FARS2: variants seen among roughly 807,000 people sequenced by gnomAD.
The protein encoded by FARS2 is phenylalanine--tRNA ligase, mitochondrial.
FARS2 carries 40 observed loss-of-function variants against 46.4 expected under a neutral mutation model. The observed-to-expected ratio is 0.86, with a 90% CI of 0.67 to 1.12. The LOEUF is 1.12. FARS2 is among the 50% of genes most tolerant of loss of function. FARS2 has a pLI of 0.00. For missense variants in FARS2, 513 were observed against 567.9 expected (o/e 0.90, Z 0.98); for synonymous variants, 234 against 214.9 (o/e 1.09, Z -0.78).
chr6:5,268,648 G>A (rs995309829), intron 1 of FARS2, among the ~76,000 whole-genome samples: 4 of 152,162 alleles, frequency 2.6e-5, no homozygotes, highest in Non-Finnish European at 5.9e-5. Context: ...GATGCCTCTA[G>A]CTTTGTTCTT....
chr6:5,280,958 A>G (rs1354904434), intron 1 of FARS2, among the ~76,000 whole-genome samples: 1 of 151,870 alleles, frequency 6.6e-6, no homozygotes, highest in Non-Finnish European at 1.5e-5. Flanking sequence ...TTAATTTTTG[A>G]TTTATATTAT....
chr6:5,404,531 T>C lies in FARS2; in HGVS notation c.613-11T>C, dbSNP rs1562015282. The C allele has an allele frequency of 6.4e-6, 10 of 1,555,418 alleles. No individual in the cohort carries two copies. The highest frequency in any genetic ancestry group is 8.7e-6 in the Non-Finnish European group (10 of 1,147,972). ...TATTTTCTTTATTTATACTTTCCTG[T>C]TGGTTTACAGTTATTTGCTGGTATA... On this transcript the variant is annotated splice_polypyrimidine_tract_variant and intron_variant, in intron 2 of 6. Coordinates refer to ENST00000274680, the MANE Select transcript of FARS2 (RefSeq NM_006567.5).
chr6:5,640,560 C>T (rs752520459), intron 6 of FARS2, among the ~76,000 whole-genome samples: 11 of 152,182 alleles, frequency 7.2e-5, no homozygotes. Flanking sequence ...CGTGAGCTAC[C>T]TCTAAATTAT....
At chr6:5,739,420 G>A (rs541966824) in intron 6 of FARS2, among the ~76,000 whole-genome samples, 1 of 152,086 alleles carries the variant, frequency 6.6e-6, no homozygotes, top group Admixed American at 6.5e-5. Context: ...TGGAACACCT[G>A]CCTGTTGTTT....
chr6:5,540,724 G>A (rs1484792559), intron 4 of FARS2, among the ~76,000 whole-genome samples: 1 of 152,160 alleles, frequency 6.6e-6, no homozygotes, highest in African/African-American at 2.4e-5. Flanking sequence ...ACTTGTAAAT[G>A]TGATAGTTGC....
intron 5 of FARS2, among the ~76,000 whole-genome samples, chr6:5,612,050 A>G (rs1775217402): frequency 6.6e-6 from 1 of 152,236 alleles, no homozygotes. Flanking sequence ...TTCAGGAGAG[A>G]AAACAAAACG....
intron 6 of FARS2, among the ~76,000 whole-genome samples, chr6:5,626,198 A>G (rs373637282): frequency 2.0e-5 from 3 of 152,264 alleles, no homozygotes; most frequent in South Asian, 4.1e-4. Flanking sequence ...ACCTCAAGGA[A>G]AAGGCACTCA....
At chr6:5,666,258 G>A (rs1045058448) in intron 6 of FARS2, among the ~76,000 whole-genome samples, 6 of 152,158 alleles carry the variant, frequency 3.9e-5, no homozygotes, top group Non-Finnish European at 8.8e-5. Context: ...AGAAACATAA[G>A]TAAGAGTCAA....
chr6:5,286,609 A>G (rs542855287), intron 1 of FARS2, among the ~76,000 whole-genome samples: 4 of 152,252 alleles, frequency 2.6e-5, no homozygotes, highest in African/African-American at 7.2e-5. Context: ...CCCATGCTCT[A>G]TCACTCTGTA....
intron 6 of FARS2, among the ~76,000 whole-genome samples, chr6:5,633,684 A>G (rs1305867302): frequency 6.6e-6 from 1 of 152,204 alleles, no homozygotes; most frequent in Non-Finnish European, 1.5e-5. Context: ...TACTATTTTA[A>G]TATTTTAACC....
intron 6 of FARS2, among the ~76,000 whole-genome samples, chr6:5,724,624 G>A (rs904159282): frequency 5.9e-5 from 9 of 152,188 alleles, no homozygotes; most frequent in African/African-American, 9.7e-5. Flanking sequence ...GGTGCTCTAC[G>A]GGGGCCAGCC....
chr6:5,265,676 G>A (rs767789882), intron 1 of FARS2, among the ~76,000 whole-genome samples: 4 of 152,144 alleles, frequency 2.6e-5, no homozygotes, highest in African/African-American at 4.8e-5. Context: ...CACTGATCCT[G>A]TTTTCCAGAA....
chr6:5,319,331 A>G (rs752371313), intron 1 of FARS2, among the ~76,000 whole-genome samples: 1 of 152,156 alleles, frequency 6.6e-6, no homozygotes, highest in Non-Finnish European at 1.5e-5. Context: ...GATGGAGTTT[A>G]ACTGGTATAT....
At chr6:5,252,882 C>A in the FARS2 span, among the ~76,000 whole-genome samples, 2 of 152,116 alleles carry the variant, frequency 1.3e-5, no homozygotes, top group African/African-American at 4.8e-5. Context: ...TAAATAAGCT[C>A]TGGCAGCTAC....
At chr6:5,732,344 C>T (rs1036103867) in intron 6 of FARS2, among the ~76,000 whole-genome samples, 2 of 151,988 alleles carry the variant, frequency 1.3e-5, no homozygotes, top group African/African-American at 2.4e-5. Flanking sequence ...TGTTCAGCCT[C>T]CTAGGGAGGC....
intron 6 of FARS2, among the ~76,000 whole-genome samples, chr6:5,698,643 G>A (rs369759718): frequency 2.0e-5 from 3 of 152,140 alleles, no homozygotes; most frequent in East Asian, 3.9e-4. Context: ...TGGAATCTGG[G>A]CAGTTCTCCA....
Position 5,392,893 on chromosome 6 carries a change from A to ATG in FARS2, c.613-11643_613-11642dup, listed in dbSNP as rs1298612286. On this transcript the variant is annotated intron_variant, in intron 2 of 6. Coordinates refer to ENST00000274680, the MANE Select transcript of FARS2 (RefSeq NM_006567.5). Reference sequence around the variant, plus strand: ...ATTATATATATGTATATATACATATATGTGTGTATATATTATATATATGTA... The same window carrying ATG: ...ATTATATATATGTATATATACATATATGTGTGTGTATATATTATATATATGTA... Among the ~76,000 whole-genome samples the ATG allele has an allele frequency of 5.0e-5, 7 of 139,324 alleles. No individual in the cohort carries two copies. The Admixed American group carries it at 5.2e-4, about 10-fold the overall frequency. 91.4% of individuals were successfully genotyped at this position (139,324 alleles called of 152,430 possible).
chr6:5,573,613 A>G (rs1772786774), intron 5 of FARS2, among the ~76,000 whole-genome samples: 1 of 152,166 alleles, frequency 6.6e-6, no homozygotes, highest in South Asian at 2.1e-4. Flanking sequence ...CAGACATTCT[A>G]TCCATCCTTC....
chr6:5,760,531 C>T lies in FARS2; in HGVS notation c.1218-10760C>T, dbSNP rs551009851. 2.0e-5 allele frequency among the ~76,000 whole-genome samples: 3 copies of T among 152,302 alleles called. No individual in the cohort carries two copies. In the East Asian group the frequency reaches 5.8e-4, roughly 29 times the overall value. On this transcript the variant is annotated intron_variant, in intron 6 of 6. Transcript: ENST00000274680. ...CCTTTCAGAGGAGTCTTTTCAGGAC[C>T]TGATCCTGGGTCCAGTTTTTCCTGT...
Sources: allele counts gnomAD v4.1 joint callset (sites outside exome capture counted in the v4.1 genomes callset), GRCh38; gene constraint gnomAD v4.1.1; transcripts MANE v1.5; gene names NCBI Gene and HGNC (gene_info 2026-07-23, HGNC 2026-07-21).